Variants in CKAP2 observed in about 807,000 individuals in gnomAD.
CKAP2 encodes cytoskeleton-associated protein 2.
Under a neutral mutation model 58.4 loss-of-function variants are expected in CKAP2, and 46 were observed. The ratio of observed to expected loss-of-function variants is 0.79; its 90% CI spans 0.62 to 1.01. The LOEUF is 1.01. CKAP2 is among the 50% of genes least tolerant of loss of function. The pLI is 0.00. For synonymous variants in CKAP2, 293 were observed against 280.9 expected (o/e 1.04, Z -0.43); for missense variants, 809 against 796.4 (o/e 1.02, Z -0.19).
At chr13:52,471,447 C>G (rs1336031691) in intron 7 of CKAP2, among the ~76,000 whole-genome samples, 1 of 150,100 alleles carries the variant, frequency 6.7e-6, no homozygotes, top group East Asian at 2.0e-4. Context: ...ACCAATTTCA[C>G]AAATCAGTTA....
At chr13:52,469,246 G>T (rs901109566) in intron 7 of CKAP2, among the ~76,000 whole-genome samples, 4 of 152,246 alleles carry the variant, frequency 2.6e-5, no homozygotes, top group Non-Finnish European at 5.9e-5. Context: ...TTTTAATTAG[G>T]AGATCTGGCT....
rs142427528 is a variant in CKAP2 at position 52,456,657 on chromosome 13, G to C, written c.155+50G>C. 3.2e-4 allele frequency: 442 copies of C among 1,391,380 alleles called. 1 individual carries two copies. In the African/African-American group the frequency reaches 5.5e-3, roughly 17 times the overall value. The allele number at this position is 1,391,380 out of a possible 1,614,324, so 86.2% of individuals were successfully genotyped here. On this transcript the variant is annotated intron_variant, in intron 2 of 8. Coordinates refer to ENST00000258607, the MANE Select transcript of CKAP2 (RefSeq NM_018204.5). ...ACTTCTGTAAAATTGTATCAGATCT[G>C]TCCAATGAAAATGTAAAGTAAGCCA...
In CKAP2 at chr13:52,455,731, C is replaced by A. The variant is rs183306242; in HGVS notation, c.70+105C>A. 12 of 1,244,868 alleles carry A rather than the reference C, an allele frequency of 9.6e-6. 1 individual carries two copies. Among genetic ancestry groups the A allele is most frequent in the African/African-American group, 8.2e-5 (5 of 61,276 alleles). The allele number at this position is 1,244,868 out of a possible 1,614,324, so 77.1% of individuals were successfully genotyped here. A position where few individuals can be genotyped will look rare whatever the true frequency, so the allele number is the denominator to read the frequency against. ...GCGCTGGCGCGCTTCACCTCTCCCC[C>A]GCTCTGTGAGATCCCTGAACGCGGC... On this transcript the variant is annotated intron_variant, in intron 1 of 8. Coordinates refer to ENST00000258607, the MANE Select transcript of CKAP2 (RefSeq NM_018204.5).
rs376298241 is a variant in CKAP2, at chr13:52,466,547, G to C, written c.1476+1082G>C. Among the ~76,000 whole-genome samples, 4 of 152,270 alleles carry C rather than the reference G, an allele frequency of 2.6e-5. No homozygotes were observed. In the South Asian group the frequency reaches 6.2e-4, roughly 24 times the overall value. ...GGCCCCTACTACATTGTATCAGAAG[G>C]GACATTACTTAAGGCAGCTAAGGAC... On this transcript the variant is annotated intron_variant, in intron 6 of 8. Transcript: ENST00000258607.
intron 2 of CKAP2, among the ~76,000 whole-genome samples, chr13:52,456,942 G>C (rs537788462): frequency 7.0e-4 from 107 of 151,970 alleles, no homozygotes; most frequent in African/African-American, 2.5e-3. Context: ...TGCCAGGTTG[G>C]AGTGCAGTAG....
chr13:52,462,447 A>G lies in CKAP2; in HGVS notation c.1185A>G (p.Ala395=), dbSNP rs1273542690. ...PNSVVTQHEP[A]GQNEKPVGSF... Reference sequence around the variant, plus strand: ...CAGTAGTTACTCAGCATGAGCCTGCAGGACAAAATGAAAAACCAGTTGGGT... The same window carrying G: ...CAGTAGTTACTCAGCATGAGCCTGCGGGACAAAATGAAAAACCAGTTGGGT... Residue 395 remains alanine, a synonymous_variant, in exon 5 of 9, where the codon GCA becomes GCG. Coordinates refer to ENST00000258607, the MANE Select transcript of CKAP2 (RefSeq NM_018204.5). 1.2e-6 allele frequency: 2 copies of G among 1,614,050 alleles called. No homozygotes were observed. The highest frequency in any genetic ancestry group is 2.7e-5 in the African/African-American group (2 of 74,940).
At position 52,474,101 on chromosome 13, in the gene CKAP2, T is replaced by A. The variant is rs1242929652; in HGVS notation, c.1802+17T>A. 1 of 1,594,750 alleles carries A rather than the reference T, an allele frequency of 6.3e-7. No individual in the cohort carries two copies. Among genetic ancestry groups the A allele is most frequent in the African/African-American group, 1.4e-5 (1 of 73,868 alleles). ...CTTGCAAAGGTAAACTTTTAAAATG[T>A]ACCATGATTTGTTTTCATGCTTGGA... On this transcript the variant is annotated intron_variant, in intron 8 of 8. Transcript: ENST00000258607.
At chr13:52,455,757 G>T (rs1958467424) in intron 1 of CKAP2, 131 bp downstream of exon 1, 9 of 1,098,926 alleles carry the variant, frequency 8.2e-6, no homozygotes, top group Non-Finnish European at 9.6e-6. Flanking sequence ...TGAACGCGGC[G>T]TCGGCCTCGC....
At chr13:52,473,235 C>T (rs1958783724) in intron 7 of CKAP2, among the ~76,000 whole-genome samples, 1 of 152,154 alleles carries the variant, frequency 6.6e-6, no homozygotes, top group South Asian at 2.1e-4. Context: ...ATGTCTGTCT[C>T]TGGTGAATTT....
intron 7 of CKAP2, among the ~76,000 whole-genome samples, chr13:52,469,195 C>A (rs1172041029): frequency 6.6e-6 from 1 of 152,090 alleles, no homozygotes; most frequent in Non-Finnish European, 1.5e-5. Flanking sequence ...CTTCTGTTGA[C>A]CTGCCTCTGA....
chr13:52,455,497 G>C lies in CKAP2; in HGVS notation c.-60G>C. On this transcript the variant is annotated 5_prime_UTR_variant, in exon 1 of 9. Transcript: ENST00000258607. ...CGCGGTGCAGACTGCGGCGGCGGTG[G>C]TCTGAGGAAGTTCTATCTTGGCGCT... The C allele has an allele frequency of 6.2e-7, 1 of 1,601,218 alleles. No homozygotes were observed. The highest frequency in any genetic ancestry group is 8.6e-7 in the Non-Finnish European group (1 of 1,169,484).
rs181296242 is a variant in CKAP2, at chr13:52,470,974, A to G, written c.1546+2627A>G. Among the ~76,000 whole-genome samples the G allele has an allele frequency of 5.9e-5, 9 of 152,280 alleles. No individual in the cohort carries two copies. In the East Asian group the frequency reaches 1.7e-3, roughly 29 times the overall value. ...AGAGATCGAGACCATCCTGGCCAACATGGTGAAACCCCGTCTCCACTAAAA... is the reference window on the plus strand; with the variant it reads ...AGAGATCGAGACCATCCTGGCCAACGTGGTGAAACCCCGTCTCCACTAAAA... On this transcript the variant is annotated intron_variant, in intron 7 of 8. Coordinates refer to ENST00000258607, the MANE Select transcript of CKAP2 (RefSeq NM_018204.5).
intron 1 of CKAP2, 112 bp downstream of exon 1, chr13:52,455,738 T>A: frequency 8.3e-7 from 1 of 1,207,304 alleles, no homozygotes; most frequent in Non-Finnish European, 1.1e-6. Flanking sequence ...CCCCGCTCTG[T>A]GAGATCCCTG....
At chr13:52,465,204 G>A (rs1451375127) in intron 5 of CKAP2, 91 bp from the exon 6 acceptor site, 16 of 1,092,976 alleles carry the variant, frequency 1.5e-5, no homozygotes, top group Middle Eastern at 3.1e-4. Flanking sequence ...TAGGGCTATC[G>A]TTATCATTGA....
In CKAP2 at chr13:52,462,537, A is replaced by G; in HGVS notation, c.1275A>G (p.Thr425=). 6.2e-7 allele frequency: 1 copy of G among 1,613,860 alleles called. No individual in the cohort carries two copies. Among genetic ancestry groups the G allele is most frequent in the Non-Finnish European group, 8.5e-7 (1 of 1,179,926 alleles). ...TATTTACTGAAAAAGTAAACAACAC[A>G]TTTTCTGAATGCCTGAACTTGATTA... ...QRLFTEKVNN[T]FSECLNLINE... is the part of the protein sequence containing the mutation. Residue 425 remains threonine (T), a synonymous_variant, in exon 5 of 9, where the codon ACA becomes ACG. Coordinates refer to ENST00000258607, the MANE Select transcript of CKAP2 (RefSeq NM_018204.5).
chr13:52,475,011 T>C lies in CKAP2; in HGVS notation c.1919T>C (p.Met640Thr), dbSNP rs751833100. 4 of 1,614,220 alleles carry C rather than the reference T, an allele frequency of 2.5e-6. No individual in the cohort carries two copies. The highest frequency in any genetic ancestry group is 4.5e-5 in the East Asian group (2 of 44,888). The change falls in exon 9 of 9, where the codon ATG (methionine) becomes ACG (threonine). Residue 640 changes from methionine (M) to threonine (T), a missense_variant. Met to Thr is a moderately conservative substitution (Grantham distance 81, BLOSUM62 -1). Transcript: ENST00000258607. ...GAGAAAACTTCTAAATTGCCAGATA[T>C]GTTAAAAGATCATTATCCTTGTGTG... Reference protein sequence around the residue: ...LQEKTSKLPDMLKDHYPCVSS... With the variant: ...LQEKTSKLPDTLKDHYPCVSS...
chr13:52,471,714 C>T (rs1309119935), intron 7 of CKAP2, among the ~76,000 whole-genome samples: 1 of 152,164 alleles, frequency 6.6e-6, no homozygotes, highest in Non-Finnish European at 1.5e-5. Flanking sequence ...TTTCCCAGTT[C>T]CCAACCTTTT....
In CKAP2 at chr13:52,476,069, A is replaced by T. The variant is rs1003734412; in HGVS notation, c.*928A>T. 6 of 152,218 alleles carry T rather than the reference A, an allele frequency of 3.9e-5. No individual in the cohort carries two copies. Among genetic ancestry groups the T allele is most frequent in the Non-Finnish European group, 8.8e-5 (6 of 68,032 alleles). 9.4% of individuals were successfully genotyped at this position (152,218 alleles called of 1,614,324 possible). ...ATGTCCCTTGAAACATGATAGTTAC[A>T]TACACAGTTTTCTCTCCACACATAA... On this transcript the variant is annotated 3_prime_UTR_variant, in exon 9 of 9. Transcript: ENST00000258607.
In CKAP2 at chr13:52,473,472, C is replaced by A. The variant is rs144466832; in HGVS notation, c.1547-357C>A. ...TAATAGATCATTTTCTTTTATGTGC[C>A]ATATGAAGGTTGTCTTCCTTGGTCT... On this transcript the variant is annotated intron_variant, in intron 7 of 8. Coordinates refer to ENST00000258607, the MANE Select transcript of CKAP2 (RefSeq NM_018204.5). 3.2e-3 allele frequency: 580 copies of A among 183,216 alleles called. 2 individuals are homozygous for A. The highest frequency in any genetic ancestry group is 0.012 in the African/African-American group (512 of 42,368). The allele number at this position is 183,216 out of a possible 1,614,324, so 11.3% of individuals were successfully genotyped here. A position where few individuals can be genotyped will look rare whatever the true frequency, so the allele number is the denominator to read the frequency against.
Sources: gnomAD v4.1 joint callset for allele counts (sites outside exome capture counted in the v4.1 genomes callset) on GRCh38, gnomAD v4.1.1 for gene constraint, MANE v1.5 for transcripts, NCBI Gene and HGNC (gene_info 2026-07-23, HGNC 2026-07-21) for gene names.